The following GPR39 variants were observed in gnomAD, a reference collection of about 807,000 sequenced individuals.
The protein encoded by GPR39 is G protein-coupled receptor 39, also known as zinc sensing receptor.
GPR39 carries 23 observed loss-of-function variants against 18.4 expected under a neutral mutation model. The observed-to-expected ratio is 1.25, with a 90% confidence interval of 0.90 to 1.77. GPR39 has a LOEUF of 1.77. Among genes scored for constraint, GPR39 ranks in the 40% most tolerant of loss-of-function variants. GPR39 has a pLI of 0.00. For missense variants in GPR39, 647 were observed against 602.4 expected (o/e 1.07, Z -0.78); for synonymous variants, 280 against 257.9 (o/e 1.09, Z -0.82).
At chr2:132,533,888 C>T (rs150643097) in intron 1 of GPR39, among the ~76,000 whole-genome samples, 3,985 of 152,130 alleles carry the variant, frequency 0.026, 151 homozygotes, top group African/African-American at 0.088. Context: ...CCATAAAAAC[C>T]CTAGAAGAAA....
In GPR39 at chr2:132,417,610, A is replaced by T. The variant is rs1021753440; in HGVS notation, c.568A>T (p.Thr190Ser). The change falls in exon 1 of 2, where the codon ACT becomes TCT. Residue 190 changes from threonine (T) to serine (S), a missense_variant. Thr to Ser is a moderately conservative substitution (Grantham distance 58). Coordinates refer to ENST00000329321, the MANE Select transcript of GPR39 (RefSeq NM_001508.3). ...LVNVPSHRGLTCNRSSTRHHE... is the reference protein window; with the variant it reads ...LVNVPSHRGLSCNRSSTRHHE... ...GAACGTGCCCAGCCACCGGGGTCTC[A>T]CTTGCAACCGCTCCAGCACCCGCCA... The T allele has an allele frequency of 2.5e-6, 4 of 1,613,740 alleles. No homozygotes were observed. Among genetic ancestry groups the T allele is most frequent in the African/African-American group, 2.7e-5 (2 of 74,820 alleles).
chr2:132,471,165 G>T (rs1320602808), intron 1 of GPR39, among the ~76,000 whole-genome samples: 1 of 152,008 alleles, frequency 6.6e-6, no homozygotes, highest in Non-Finnish European at 1.5e-5. Flanking sequence ...GGGGTCTGTT[G>T]CAAGCTAGCC....
At chr2:132,436,874 A>AT (rs1315413988) in intron 1 of GPR39, among the ~76,000 whole-genome samples, 1 of 152,160 alleles carries the variant, frequency 6.6e-6, no homozygotes, top group Admixed American at 6.5e-5. Context: ...TGTATTAATC[A>AT]TATTAACTAA....
chr2:132,586,449 G>A (rs1448259216), intron 1 of GPR39, among the ~76,000 whole-genome samples: 1 of 152,128 alleles, frequency 6.6e-6, no homozygotes, highest in African/African-American at 2.4e-5. Flanking sequence ...TCTTCCTTAG[G>A]AGGAATTTGC....
Position 132,422,999 on chromosome 2 carries a change from C to G in GPR39, c.856+5101C>G, listed in dbSNP as rs926484512. On this transcript the variant is annotated intron_variant, in intron 1 of 1. Coordinates refer to ENST00000329321, the MANE Select transcript of GPR39 (RefSeq NM_001508.3). Reference sequence around the variant, plus strand: ...AACCATTCAGAATAAAAGCCATTTACGAGTTGAGACAGCGCCGTGGAAGAA... The same window carrying G: ...AACCATTCAGAATAAAAGCCATTTAGGAGTTGAGACAGCGCCGTGGAAGAA... Among the ~76,000 whole-genome samples the G allele has an allele frequency of 3.3e-5, 5 of 151,958 alleles. No homozygotes were observed. The East Asian group carries it at 9.6e-4, about 29-fold the overall frequency.
chr2:132,480,187 T>A (rs1282853628), intron 1 of GPR39, among the ~76,000 whole-genome samples: 1 of 152,194 alleles, frequency 6.6e-6, no homozygotes, highest in Non-Finnish European at 1.5e-5. Context: ...TGATTTGACT[T>A]ATATGAGGTA....
At chr2:132,445,996 C>T (rs146121660) in intron 1 of GPR39, among the ~76,000 whole-genome samples, 2,204 of 152,058 alleles carry the variant, frequency 0.014, 30 homozygotes, top group Middle Eastern at 0.044. Flanking sequence ...AAGCCAGAAG[C>T]GGGGGTGTGT....
chr2:132,458,982 A>C (rs1365130045), intron 1 of GPR39, among the ~76,000 whole-genome samples: 1 of 152,148 alleles, frequency 6.6e-6, no homozygotes, highest in Non-Finnish European at 1.5e-5. Context: ...GGTTCCAAAG[A>C]GACATTGTTG....
At chr2:132,436,412 C>T (rs1213172101) in intron 1 of GPR39, among the ~76,000 whole-genome samples, 5 of 152,154 alleles carry the variant, frequency 3.3e-5, no homozygotes. Flanking sequence ...TCATGCTAGT[C>T]CATCTGAGAT....
chr2:132,492,405 CATACCATATAT>C, intron 1 of GPR39, among the ~76,000 whole-genome samples: 1 of 138,024 alleles, frequency 7.2e-6, no homozygotes, highest in African/African-American at 2.7e-5. Context: ...CATATATATA[CATACCATATAT>C]ATACCATATA....
chr2:132,549,614 C>T (rs1252124954), intron 1 of GPR39, among the ~76,000 whole-genome samples: 1 of 152,050 alleles, frequency 6.6e-6, no homozygotes, highest in Non-Finnish European at 1.5e-5. Context: ...TGGTGAAACC[C>T]CAACTCTACT....
intron 1 of GPR39, among the ~76,000 whole-genome samples, chr2:132,442,087 G>A (rs1680450376): frequency 1.3e-5 from 2 of 152,082 alleles, no homozygotes; most frequent in South Asian, 2.1e-4. Context: ...CTTAGCAAGG[G>A]ATTACATTGG....
At chr2:132,492,290 A>G (rs1573628701) in intron 1 of GPR39, among the ~76,000 whole-genome samples, 2 of 142,120 alleles carry the variant, frequency 1.4e-5, no homozygotes, top group African/African-American at 5.4e-5. Flanking sequence ...TATACACCAT[A>G]TATATACATA....
chr2:132,486,803 T>C (rs1418360960), intron 1 of GPR39, among the ~76,000 whole-genome samples: 3 of 152,250 alleles, frequency 2.0e-5, no homozygotes, highest in African/African-American at 7.2e-5. Context: ...GCTGTTTTAC[T>C]TTCTTATTGA....
chr2:132,517,516 G>T (rs186257072), intron 1 of GPR39, among the ~76,000 whole-genome samples: 7 of 152,248 alleles, frequency 4.6e-5, no homozygotes, highest in African/African-American at 1.7e-4. Context: ...TTTGATAATA[G>T]AATCTGATCT....
At chr2:132,583,728 G>A (rs997713268) in intron 1 of GPR39, among the ~76,000 whole-genome samples, 1 of 151,344 alleles carries the variant, frequency 6.6e-6, no homozygotes, top group African/African-American at 2.4e-5. Flanking sequence ...GTGGCTGGAG[G>A]CGACTTGGCC....
chr2:132,423,036 G>A (rs896759265), intron 1 of GPR39, among the ~76,000 whole-genome samples: 4 of 151,980 alleles, frequency 2.6e-5, no homozygotes, highest in Non-Finnish European at 4.4e-5. Context: ...ATTGAATTGG[G>A]AGTCAAGGAG....
intron 1 of GPR39, among the ~76,000 whole-genome samples, chr2:132,619,451 A>C (rs1267666048): frequency 1.3e-5 from 2 of 152,176 alleles, no homozygotes; most frequent in Non-Finnish European, 2.9e-5. Flanking sequence ...ACCTTGTGGC[A>C]GGCAGTGACA....
intron 1 of GPR39, among the ~76,000 whole-genome samples, chr2:132,434,098 A>G (rs540451028): frequency 2.0e-4 from 30 of 152,144 alleles, no homozygotes; most frequent in African/African-American, 6.7e-4. Context: ...CATTGAGGAG[A>G]AAGGATATCT....
Sources: allele counts gnomAD v4.1 joint callset (sites outside exome capture counted in the v4.1 genomes callset), GRCh38; gene constraint gnomAD v4.1.1; transcripts MANE v1.5; gene names NCBI Gene and HGNC (gene_info 2026-07-23, HGNC 2026-07-21).